FAM120A: variants seen among roughly 807,000 people sequenced by gnomAD.
The protein encoded by FAM120A is constitutive coactivator of PPAR-gamma-like protein 1.
In FAM120A, 15 loss-of-function variants were observed where a neutral mutation model predicts 109.7. That is an observed-to-expected ratio of 0.14 (90% CI 0.09 to 0.21). The LOEUF (loss-of-function observed/expected upper bound fraction) is 0.21. Ranked by LOEUF, FAM120A falls within the 10% of genes least tolerant of loss-of-function variation. The pLI is 1.00. For synonymous variants in FAM120A, 493 were observed against 572.8 expected, an observed-to-expected ratio of 0.86 and a Z score of 1.99; for missense variants, 899 against 1,439.3, an observed-to-expected ratio of 0.62 and a Z score of 6.07.
chr9:93,485,220 A>G (rs1370666024), intron 3 of FAM120A, among the ~76,000 whole-genome samples: 1 of 152,070 alleles, frequency 6.6e-6, no homozygotes, highest in Non-Finnish European at 1.5e-5. Flanking sequence ...TTGCCTGGGA[A>G]CTGCCACCAC....
At chr9:93,454,789 A>G (rs1857479445) in intron 1 of FAM120A, among the ~76,000 whole-genome samples, 1 of 152,244 alleles carries the variant, frequency 6.6e-6, no homozygotes, top group Non-Finnish European at 1.5e-5. Context: ...GAAACAGTGT[A>G]TACCATTTAA....
intron 11 of FAM120A, among the ~76,000 whole-genome samples, chr9:93,546,720 C>T (rs532919165): frequency 2.6e-5 from 4 of 152,194 alleles, no homozygotes; most frequent in African/African-American, 7.2e-5. Flanking sequence ...AGATGGCTGT[C>T]GGCAAGACAG....
At chr9:93,546,428 C>G (rs530088017) in intron 11 of FAM120A, among the ~76,000 whole-genome samples, 1 of 152,308 alleles carries the variant, frequency 6.6e-6, no homozygotes, top group African/African-American at 2.4e-5. Flanking sequence ...AGGGTCACAT[C>G]GTTTCAGCTT....
intron 12 of FAM120A, among the ~76,000 whole-genome samples, chr9:93,554,707 C>T (rs1267606841): frequency 1.3e-5 from 2 of 151,900 alleles, no homozygotes; most frequent in Admixed American, 6.6e-5. Flanking sequence ...TAGGATGGTG[C>T]TGCATGTGCT....
Position 93,543,448 on chromosome 9 carries a change from C to T in FAM120A, c.2136C>T (p.Leu712=), listed in dbSNP as rs1256838579. The change falls in exon 11 of 18, where the codon CTC becomes CTT. Residue 712 remains leucine, a synonymous_variant. Coordinates refer to ENST00000277165, the MANE Select transcript of FAM120A (RefSeq NM_014612.5). ...MLNPANVPTH[L]MVLCCVLRYM... ...ACCCTGCCAACGTGCCCACTCACCTCATGGTGCTCTGCTGCGTCTTACGGT... is the reference window on the plus strand; with the variant it reads ...ACCCTGCCAACGTGCCCACTCACCTTATGGTGCTCTGCTGCGTCTTACGGT... The T allele has an allele frequency of 4.6e-5, 75 of 1,614,056 alleles. 1 individual carries two copies. The Admixed American group carries it at 1.2e-3, about 26-fold the overall frequency.
In FAM120A at chr9:93,452,150, G is replaced by A. The variant is rs1362125616; in HGVS notation, c.235G>A (p.Ala79Thr). 1 of 1,611,910 alleles carries A rather than the reference G, an allele frequency of 6.2e-7. No homozygotes were observed. Among genetic ancestry groups the A allele is most frequent in the Non-Finnish European group, 8.5e-7 (1 of 1,179,782 alleles). The stretch of plus-strand genomic sequence containing the variant: ...GTGGAACCACATGCTTGGCTACCTG[G>A]CGGCGCTGGCCAAGGCCTGCTTCGG... ...GQWNHMLGYL[A>T]ALAKACFGGN... Residue 79 changes from alanine to threonine, a missense_variant, in exon 1 of 18, where the codon GCG becomes ACG. Physicochemically the swap from Ala to Thr is moderately conservative, Grantham distance 58. This residue lies in a region of FAM120A where 258 missense variants were observed against 451.4 expected (regional missense o/e 0.57). Transcript: ENST00000277165. The surrounding 1 kb of genome is among the most constrained non-coding windows in gnomAD (Gnocchi z 7.0).
chr9:93,563,229 G>A (rs1464079663), intron 17 of FAM120A, among the ~76,000 whole-genome samples: 1 of 152,208 alleles, frequency 6.6e-6, no homozygotes, highest in Non-Finnish European at 1.5e-5. Context: ...CCTAGAAGAT[G>A]CTGGAAGGTA....
intron 3 of FAM120A, among the ~76,000 whole-genome samples, chr9:93,480,600 A>G (rs779751360): frequency 6.6e-6 from 1 of 151,960 alleles, no homozygotes; most frequent in African/African-American, 2.4e-5. Context: ...AGAATCTTTT[A>G]TGTACCTGGA....
rs35062269 is a variant in FAM120A at position 93,497,601 on chromosome 9, T to TAA, written c.933+12_933+13dup. 1.6e-3 allele frequency: 2,063 copies of TAA among 1,307,218 alleles called. No individual in the cohort carries two copies. Among genetic ancestry groups the TAA allele is most frequent in the African/African-American group, 7.0e-3 (463 of 65,980 alleles). 81.0% of individuals were successfully genotyped at this position (1,307,218 alleles called of 1,614,324 possible). ...AAAGATGTTTTCCAGCATTCACAGG[T>TAA]AAAAAAAAAAACAAACAAAACAAAA... On this transcript the variant is annotated splice_region_variant and intron_variant, in intron 4 of 17. Coordinates refer to ENST00000277165, the MANE Select transcript of FAM120A (RefSeq NM_014612.5).
At chr9:93,459,668 TG>T (rs1857703047) in intron 1 of FAM120A, among the ~76,000 whole-genome samples, 1 of 152,204 alleles carries the variant, frequency 6.6e-6, no homozygotes, top group Non-Finnish European at 1.5e-5. Context: ...GACCTGTGAG[TG>T]GCTCTCAAGT....
At chr9:93,550,378 T>C (rs1862053513) in intron 11 of FAM120A, among the ~76,000 whole-genome samples, 199 bp from the exon 12 acceptor site, 1 of 152,232 alleles carries the variant, frequency 6.6e-6, no homozygotes, top group Admixed American at 6.5e-5. Context: ...TATTCTAAAG[T>C]AAAACATTCT....
intron 5 of FAM120A, among the ~76,000 whole-genome samples, chr9:93,509,757 G>A (rs572700148): frequency 6.6e-6 from 1 of 152,266 alleles, no homozygotes; most frequent in Non-Finnish European, 1.5e-5. Flanking sequence ...AGTAGAATGA[G>A]TGGTGGCGTA....
intron 3 of FAM120A, among the ~76,000 whole-genome samples, chr9:93,482,361 T>A (rs1858857232): frequency 1.3e-5 from 2 of 151,982 alleles, no homozygotes. Context: ...CAGCTAATTT[T>A]TTGTATTTTA....
intron 3 of FAM120A, among the ~76,000 whole-genome samples, chr9:93,494,397 C>T (rs1859479868): frequency 6.6e-6 from 1 of 152,232 alleles, no homozygotes; most frequent in African/African-American, 2.4e-5. Context: ...TGTTCCCCTC[C>T]ATTGCCAAGT....
intron 5 of FAM120A, among the ~76,000 whole-genome samples, chr9:93,514,453 C>T (rs1380134187): frequency 1.3e-5 from 2 of 152,218 alleles, no homozygotes; most frequent in African/African-American, 4.8e-5. Flanking sequence ...TTTTCTTCCA[C>T]ATTTAAAACA....
intron 1 of FAM120A, among the ~76,000 whole-genome samples, chr9:93,455,897 G>A (rs1161616372): frequency 6.6e-6 from 1 of 152,142 alleles, no homozygotes; most frequent in African/African-American, 2.4e-5. Context: ...TCCTGACCTC[G>A]TGATCCACCT....
At chr9:93,487,844 A>T (rs896794684) in intron 3 of FAM120A, among the ~76,000 whole-genome samples, 1 of 152,206 alleles carries the variant, frequency 6.6e-6, no homozygotes, top group African/African-American at 2.4e-5. Flanking sequence ...AAACTGATTT[A>T]AAAAATGCTG....
At chr9:93,534,632 C>T (rs1311921592) in intron 10 of FAM120A, among the ~76,000 whole-genome samples, 1 of 152,096 alleles carries the variant, frequency 6.6e-6, no homozygotes, top group East Asian at 1.9e-4. Context: ...TCCTCTTCTC[C>T]TTCTTTTTAA....
At chr9:93,508,921 C>T (rs1032329514) in intron 5 of FAM120A, among the ~76,000 whole-genome samples, 3 of 152,208 alleles carry the variant, frequency 2.0e-5, no homozygotes, top group Admixed American at 1.3e-4. Flanking sequence ...ATATCCCACT[C>T]GGAAGTTGGA....
Sources: gnomAD v4.1 joint callset for allele counts (sites outside exome capture counted in the v4.1 genomes callset) on GRCh38, gnomAD v4.1.1 for gene constraint, gnomAD v4.1.1 regional missense constraint, Gnocchi (gnomAD v3.1) non-coding constraint, MANE v1.5 for transcripts, NCBI Gene and HGNC (gene_info 2026-07-23, HGNC 2026-07-21) for gene names.